The following MDFIC2 variants were observed in gnomAD, a reference collection of about 807,000 sequenced individuals.
MDFIC2 encodes MyoD family inhibitor domain containing 2, also known as myoD family inhibitor domain-containing protein 2.
At chr3:70,211,416 TC>T (rs1559535989) in intron 2 of MDFIC2, among the ~76,000 whole-genome samples, 69 of 38,672 alleles carry the variant, frequency 1.8e-3, no homozygotes, top group Non-Finnish European at 3.5e-3. Context: ...GCCCTTCCCT[TC>T]CCTTTGCCCT....
At chr3:70,206,392 C>T (rs757734115) in intron 3 of MDFIC2, among the ~76,000 whole-genome samples, 177 bp downstream of exon 3, 10 of 152,004 alleles carry the variant, frequency 6.6e-5, no homozygotes, top group Non-Finnish European at 1.0e-4. Context: ...ATCTGCCAAG[C>T]GCCTCATAAC....
intron 2 of MDFIC2, among the ~76,000 whole-genome samples, chr3:70,256,057 C>G (rs1701812609): frequency 6.6e-6 from 1 of 152,166 alleles, no homozygotes; most frequent in African/African-American, 2.4e-5. Flanking sequence ...TTTTGATACA[C>G]ATAGTAACAA....
At chr3:70,279,985 C>A (rs892835065) in intron 2 of MDFIC2, among the ~76,000 whole-genome samples, 3 of 152,144 alleles carry the variant, frequency 2.0e-5, no homozygotes, top group African/African-American at 7.2e-5. Flanking sequence ...CAAAGTACAA[C>A]CTTGGTGGTT....
At chr3:70,245,671 TTA>T (rs34480688) in intron 2 of MDFIC2, among the ~76,000 whole-genome samples, 6,593 of 56,954 alleles carry the variant, frequency 0.12, 141 homozygotes, top group Non-Finnish European at 0.12. Context: ...GCAAACTGCT[TTA>T]TATATATATA....
At chr3:70,219,428 A>G (rs1303729326) in intron 2 of MDFIC2, among the ~76,000 whole-genome samples, 2 of 152,190 alleles carry the variant, frequency 1.3e-5, no homozygotes, top group African/African-American at 4.8e-5. Flanking sequence ...TGATGTGACC[A>G]AGAGAGCTGT....
chr3:70,196,917 T>C lies in MDFIC2; in HGVS notation c.*9A>G, dbSNP rs1701187219. On this transcript the variant is annotated 3_prime_UTR_variant, in exon 4 of 4. Transcript: ENST00000567252. ...AAAAGGACTGCCGGAATGTGGTTACTTCACTGTGCTAGCGGTAACAGATTT... is the reference window on the plus strand; with the variant it reads ...AAAAGGACTGCCGGAATGTGGTTACCTCACTGTGCTAGCGGTAACAGATTT... 1 of 398,416 alleles carries C rather than the reference T, an allele frequency of 2.5e-6. No homozygotes were observed. Among genetic ancestry groups the C allele is most frequent in the African/African-American group, 2.1e-5 (1 of 48,636 alleles). 24.7% of individuals were successfully genotyped at this position (398,416 alleles called of 1,614,324 possible).
chr3:70,254,994 A>G (rs747923833), intron 2 of MDFIC2, among the ~76,000 whole-genome samples: 1 of 152,196 alleles, frequency 6.6e-6, no homozygotes, highest in African/African-American at 2.4e-5. Flanking sequence ...ACTGATGGAC[A>G]TTTAGATTGT....
At chr3:70,289,024 CTG>C (rs1284905247) in intron 2 of MDFIC2, among the ~76,000 whole-genome samples, 9 of 152,234 alleles carry the variant, frequency 5.9e-5, no homozygotes, top group Admixed American at 5.9e-4. Context: ...GTTTGCCAGT[CTG>C]TGTCTTTTAA....
chr3:70,284,976 A>G (rs1398648458), intron 2 of MDFIC2, among the ~76,000 whole-genome samples: 2 of 152,142 alleles, frequency 1.3e-5, no homozygotes, highest in Non-Finnish European at 2.9e-5. Flanking sequence ...ACAATGTTAC[A>G]TGGGTTAAAC....
At chr3:70,266,261 CTT>C (rs1321919226) in intron 2 of MDFIC2, among the ~76,000 whole-genome samples, 4 of 152,094 alleles carry the variant, frequency 2.6e-5, no homozygotes, top group East Asian at 3.9e-4. Context: ...CCTATTATGA[CTT>C]ATATTTAATT....
chr3:70,209,947 G>C (rs749434134), intron 2 of MDFIC2, among the ~76,000 whole-genome samples: 1 of 152,082 alleles, frequency 6.6e-6, no homozygotes, highest in African/African-American at 2.4e-5. Flanking sequence ...AGCTCAGAAA[G>C]AGCTGATAGA....
At chr3:70,244,847 C>G (rs1311961384) in intron 2 of MDFIC2, among the ~76,000 whole-genome samples, 1 of 152,142 alleles carries the variant, frequency 6.6e-6, no homozygotes, top group African/African-American at 2.4e-5. Flanking sequence ...GCTCTGCTTA[C>G]AATTTGGGTG....
intron 2 of MDFIC2, among the ~76,000 whole-genome samples, chr3:70,271,163 C>T (rs1307533039): frequency 6.6e-6 from 1 of 151,896 alleles, no homozygotes; most frequent in African/African-American, 2.4e-5. Flanking sequence ...AAAAGTATGC[C>T]AAAAACAGTA....
At position 70,196,960 on chromosome 3, in the gene MDFIC2, A is replaced by G; in HGVS notation, c.536T>C (p.Leu179Pro). The change falls in exon 4 of 4, where the codon CTG (leucine) becomes CCG (proline). Residue 179 changes from leucine to proline, a missense_variant. Coordinates refer to ENST00000567252, the MANE Select transcript of MDFIC2 (RefSeq NM_001364677.1). ...SCHETSECLE[L>P]AMEISEICYR ...ACAGATTTCTGAAATCTCCATGGCC[A>G]GTTCCAGACACTCGCTGGTCTCATG... The G allele has an allele frequency of 2.5e-6, 1 of 398,570 alleles. No individual in the cohort carries two copies. Among genetic ancestry groups the G allele is most frequent in the South Asian group, 1.3e-4 (1 of 7,858 alleles). 24.7% of individuals were successfully genotyped at this position (398,570 alleles called of 1,614,324 possible). A position where few individuals can be genotyped will look rare whatever the true frequency, so the allele number is the denominator to read the frequency against.
intron 2 of MDFIC2, among the ~76,000 whole-genome samples, chr3:70,234,712 T>C (rs1417309060): frequency 6.6e-6 from 1 of 152,172 alleles, no homozygotes; most frequent in Non-Finnish European, 1.5e-5. Context: ...TACATCTACT[T>C]TGCAGCAATT....
intron 2 of MDFIC2, among the ~76,000 whole-genome samples, chr3:70,278,530 A>T (rs557161899): frequency 2.0e-4 from 30 of 152,182 alleles, no homozygotes; most frequent in Non-Finnish European, 3.8e-4. Context: ...ACTGTATGAG[A>T]GTTCAGTCAC....
intron 2 of MDFIC2, among the ~76,000 whole-genome samples, chr3:70,264,727 C>CA (rs1158580696): frequency 6.6e-6 from 1 of 152,108 alleles, no homozygotes; most frequent in Non-Finnish European, 1.5e-5. Context: ...AATTCTTGGA[C>CA]AAATATTAAA....
chr3:70,245,248 T>C (rs75704861), intron 2 of MDFIC2, among the ~76,000 whole-genome samples: 6,444 of 152,226 alleles, frequency 0.042, 210 homozygotes, highest in East Asian at 0.14. Flanking sequence ...CAAAAGAAGA[T>C]GAGAATTAGA....
chr3:70,208,922 A>C (rs1247673243), intron 2 of MDFIC2, among the ~76,000 whole-genome samples: 3 of 152,086 alleles, frequency 2.0e-5, no homozygotes, highest in Non-Finnish European at 4.4e-5. Flanking sequence ...GATTGGCAGA[A>C]ATAGGGATTC....
Sources: gnomAD v4.1 joint callset for allele counts (sites outside exome capture counted in the v4.1 genomes callset) on GRCh38, gnomAD v4.1.1 for gene constraint, MANE v1.5 for transcripts, NCBI Gene and HGNC (gene_info 2026-07-23, HGNC 2026-07-21) for gene names.